Variants in MB21D2 observed in about 807,000 individuals in gnomAD.
MB21D2 encodes the protein nucleotidyltransferase MB21D2.
A neutral mutation model predicts 33.3 loss-of-function variants in MB21D2; 9 were observed. The ratio of observed to expected loss-of-function variants is 0.27; its 90% CI spans 0.16 to 0.47. MB21D2 has a LOEUF of 0.47. MB21D2 is among the 20% of genes least tolerant of loss of function. MB21D2 has a pLI of 0.99. For synonymous variants in MB21D2, 241 were observed against 236.3 expected (o/e 1.02, Z -0.18); for missense variants, 540 against 624.6 (o/e 0.86, Z 1.44).
intron 1 of MB21D2, among the ~76,000 whole-genome samples, chr3:192,803,080 A>G (rs953029483): frequency 3.9e-5 from 6 of 152,224 alleles, no homozygotes; most frequent in Admixed American, 3.9e-4. Context: ...CAAAAGTGCC[A>G]CTGAATTTTG....
chr3:192,818,702 C>G (rs1236219566), intron 1 of MB21D2, among the ~76,000 whole-genome samples: 1 of 151,710 alleles, frequency 6.6e-6, no homozygotes, highest in African/African-American at 2.4e-5. Context: ...TTGTTAATGT[C>G]CTGGTTACAA....
At chr3:192,804,682 G>A (rs938838098) in intron 1 of MB21D2, among the ~76,000 whole-genome samples, 2 of 152,072 alleles carry the variant, frequency 1.3e-5, no homozygotes, top group Non-Finnish European at 2.9e-5. Flanking sequence ...TCCAGCAGTG[G>A]GTTTTAATGG....
At chr3:192,917,482 G>A (rs1714494530) in intron 1 of MB21D2, 148 bp downstream of exon 1, 2 of 707,796 alleles carry the variant, frequency 2.8e-6, no homozygotes, top group South Asian at 1.9e-5. Flanking sequence ...AAAGAAGAGA[G>A]AGGCGGAACA....
At chr3:192,913,302 T>A (rs1714394288) in intron 1 of MB21D2, among the ~76,000 whole-genome samples, 1 of 151,610 alleles carries the variant, frequency 6.6e-6, no homozygotes, top group Non-Finnish European at 1.5e-5. Flanking sequence ...GAGGCTGGGG[T>A]GGGAGGATCA....
At chr3:192,860,165 G>A (rs1713010123) in intron 1 of MB21D2, among the ~76,000 whole-genome samples, 1 of 152,182 alleles carries the variant, frequency 6.6e-6, no homozygotes, top group Non-Finnish European at 1.5e-5. Flanking sequence ...ACATGGCCGA[G>A]TAGTTTTCTG....
chr3:192,898,372 A>G (rs913052588), intron 1 of MB21D2, among the ~76,000 whole-genome samples: 60 of 152,222 alleles, frequency 3.9e-4, no homozygotes, highest in African/African-American at 1.3e-3. Flanking sequence ...ATTGAGAAAA[A>G]AGAAATTCTC....
chr3:192,865,653 G>A (rs999772033), intron 1 of MB21D2, among the ~76,000 whole-genome samples: 3 of 152,176 alleles, frequency 2.0e-5, no homozygotes, highest in Admixed American at 6.5e-5. Flanking sequence ...CTGTGATGAA[G>A]CTTAGAGAAG....
intron 1 of MB21D2, among the ~76,000 whole-genome samples, chr3:192,830,512 T>C (rs937441895): frequency 6.6e-6 from 1 of 152,178 alleles, no homozygotes; most frequent in Non-Finnish European, 1.5e-5. Flanking sequence ...ATGGCTCTTA[T>C]CTGCTTCATA....
intron 1 of MB21D2, among the ~76,000 whole-genome samples, chr3:192,822,393 G>C (rs1712078774): frequency 6.6e-6 from 1 of 152,194 alleles, no homozygotes; most frequent in Admixed American, 6.5e-5. Flanking sequence ...CAACAGGCAT[G>C]GAGGCAGAGA....
intron 1 of MB21D2, among the ~76,000 whole-genome samples, chr3:192,869,096 A>C (rs1366762801): frequency 6.6e-6 from 1 of 152,094 alleles, no homozygotes; most frequent in African/African-American, 2.4e-5. Context: ...TCTTTACTAA[A>C]AATACAAAAA....
intron 1 of MB21D2, among the ~76,000 whole-genome samples, chr3:192,821,981 C>A (rs539291823): frequency 6.6e-6 from 1 of 152,276 alleles, no homozygotes; most frequent in East Asian, 1.9e-4. Context: ...GTACTGCATT[C>A]CGGTTGCAAA....
intron 1 of MB21D2, among the ~76,000 whole-genome samples, chr3:192,877,388 G>A (rs116131413): frequency 8.5e-5 from 13 of 152,214 alleles, no homozygotes; most frequent in Non-Finnish European, 1.5e-4. Flanking sequence ...AATAAAATCT[G>A]ACAATCATTT....
At chr3:192,835,281 C>T (rs951307444) in intron 1 of MB21D2, among the ~76,000 whole-genome samples, 4 of 149,872 alleles carry the variant, frequency 2.7e-5, no homozygotes, top group Admixed American at 2.7e-4. Context: ...GGTGAAACAC[C>T]GTCTCTACAA....
intron 1 of MB21D2, among the ~76,000 whole-genome samples, chr3:192,860,860 A>G (rs536713251): frequency 9.4e-4 from 143 of 152,370 alleles, no homozygotes; most frequent in African/African-American, 3.3e-3. Flanking sequence ...TTAAATACCA[A>G]TTCTGTGTAT....
intron 1 of MB21D2, among the ~76,000 whole-genome samples, chr3:192,856,027 A>T (rs1043948939): frequency 1.3e-5 from 2 of 152,230 alleles, no homozygotes; most frequent in African/African-American, 4.8e-5. Context: ...ACTGCACTCC[A>T]GCCTAGGTAA....
At chr3:192,835,150 CT>C (rs201391784) in intron 1 of MB21D2, among the ~76,000 whole-genome samples, 3 of 101,748 alleles carry the variant, frequency 2.9e-5, no homozygotes, top group Non-Finnish European at 5.4e-5. Flanking sequence ...TAGAAAGTGT[CT>C]TTAAAAAAAA....
At chr3:192,892,314 G>C (rs1163076271) in intron 1 of MB21D2, among the ~76,000 whole-genome samples, 1 of 152,232 alleles carries the variant, frequency 6.6e-6, no homozygotes, top group Non-Finnish European at 1.5e-5. Flanking sequence ...TGAGGATTTA[G>C]ACACTGGGTC....
At chr3:192,823,654 TA>T (rs1039179487) in intron 1 of MB21D2, among the ~76,000 whole-genome samples, 7 of 151,056 alleles carry the variant, frequency 4.6e-5, no homozygotes, top group Middle Eastern at 3.4e-3. Context: ...GAACTCCATT[TA>T]AAAAAAAACA....
At chr3:192,888,063 A>G (rs945369784) in intron 1 of MB21D2, among the ~76,000 whole-genome samples, 1 of 152,110 alleles carries the variant, frequency 6.6e-6, no homozygotes, top group Non-Finnish European at 1.5e-5. Flanking sequence ...GAAGGGCACC[A>G]ACACTGCTCC....
Sources: gnomAD v4.1 joint callset for allele counts (sites outside exome capture counted in the v4.1 genomes callset) on GRCh38, gnomAD v4.1.1 for gene constraint, MANE v1.5 for transcripts, NCBI Gene and HGNC (gene_info 2026-07-23, HGNC 2026-07-21) for gene names.